CREBBP: variants seen among roughly 807,000 people sequenced by gnomAD.
The protein encoded by CREBBP is CREB-binding protein.
CREBBP carries 19 observed loss-of-function variants against 265.0 expected under a neutral mutation model. That is an observed-to-expected ratio of 0.07 (90% CI 0.05 to 0.11). The LOEUF (loss-of-function observed/expected upper bound fraction) is 0.11. CREBBP is among the 10% of genes least tolerant of loss of function. The pLI is 1.00. For synonymous variants in CREBBP, 1,457 were observed against 1,223.7 expected (o/e 1.19, Z -3.98); for missense variants, 2,525 against 3,219.0 (o/e 0.78, Z 5.22).
At chr16:3,757,479 T>C (rs1347259447) in intron 18 of CREBBP, 103 bp from the exon 19 acceptor site, 1 of 1,053,988 alleles carries the variant, frequency 9.5e-7, no homozygotes. Context: ...TTTCTGTTAG[T>C]ATATTAGACA....
intron 28 of CREBBP, 148 bp downstream of exon 28, chr16:3,735,888 G>A (rs575544586): frequency 1.3e-5 from 16 of 1,236,426 alleles, no homozygotes; most frequent in East Asian, 4.8e-5. Flanking sequence ...GCCCACCAAC[G>A]CCCTGTGCTG....
At position 3,769,247 on chromosome 16, in the gene CREBBP, T is replaced by G; in HGVS notation, c.2987A>C (p.Glu996Ala). The change falls in exon 15 of 31, where the codon GAA becomes GCA. Residue 996 changes from glutamate to alanine, a missense_variant. Glu to Ala is a moderately radical substitution (Grantham distance 107). Around this residue, in one of 19 missense-constraint regions of CREBBP, gnomAD observed 548 missense variants for 533.0 expected, o/e 1.03. Coordinates refer to ENST00000262367, the MANE Select transcript of CREBBP (RefSeq NM_004380.3). ...CTCTGCTTGGGTCTCCGTCTTCATT[T>G]CCAGCACAGGTACGTCAGGTCCTGG... ...QQPGPDVPVLEMKTETQAEDT... is the reference protein window; with the variant it reads ...QQPGPDVPVLAMKTETQAEDT... 6.2e-7 allele frequency: 1 copy of G among 1,614,168 alleles called. No homozygotes were observed. The highest frequency in any genetic ancestry group is 8.5e-7 in the Non-Finnish European group (1 of 1,180,028).
intron 5 of CREBBP, chr16:3,791,265 T>C (rs2053501149): frequency 6.6e-6 from 1 of 152,616 alleles, no homozygotes; most frequent in Non-Finnish European, 1.5e-5. Flanking sequence ...AGCCTACAAA[T>C]GGCAGGGAGC....
chr16:3,785,320 A>C (rs1029540783), intron 5 of CREBBP, among the ~76,000 whole-genome samples: 2 of 152,216 alleles, frequency 1.3e-5, no homozygotes, highest in African/African-American at 4.8e-5. Context: ...TGACAGACTC[A>C]GTGAGTACAC....
intron 2 of CREBBP, among the ~76,000 whole-genome samples, chr16:3,811,810 A>C (rs1567332197): frequency 6.6e-6 from 1 of 152,282 alleles, no homozygotes; most frequent in East Asian, 1.9e-4. Flanking sequence ...GGTTTTCCTA[A>C]TAACGTTTTC....
At chr16:3,777,207 C>T (rs916769836) in intron 11 of CREBBP, among the ~76,000 whole-genome samples, 8 of 139,198 alleles carry the variant, frequency 5.7e-5, no homozygotes, top group African/African-American at 1.6e-4. Context: ...TGGTGGTGGG[C>T]GCCTGTAGTC....
intron 21 of CREBBP, among the ~76,000 whole-genome samples, chr16:3,746,536 C>T (rs537858659): frequency 6.6e-6 from 1 of 152,250 alleles, no homozygotes; most frequent in South Asian, 2.1e-4. Flanking sequence ...GAGCTCATCC[C>T]CAACGCTAAG....
intron 1 of CREBBP, among the ~76,000 whole-genome samples, chr16:3,851,784 G>T (rs1400529627): frequency 1.4e-5 from 2 of 147,626 alleles, no homozygotes; most frequent in Admixed American, 1.4e-4. Context: ...AACCCGGGAA[G>T]CGGAGCTTGC....
intron 19 of CREBBP, among the ~76,000 whole-genome samples, chr16:3,754,994 T>C (rs1049263782): frequency 1.3e-5 from 2 of 152,234 alleles, no homozygotes; most frequent in South Asian, 4.1e-4. Flanking sequence ...CTCAGTCAGA[T>C]ACACTGTTCT....
chr16:3,842,097 A>C (rs1047652184), intron 2 of CREBBP, among the ~76,000 whole-genome samples: 5 of 152,186 alleles, frequency 3.3e-5, no homozygotes, highest in Non-Finnish European at 7.4e-5. Flanking sequence ...AATATTCCAA[A>C]AACTTTATTC....
At chr16:3,755,432 T>C (rs2052564494) in intron 19 of CREBBP, among the ~76,000 whole-genome samples, 1 of 152,232 alleles carries the variant, frequency 6.6e-6, no homozygotes, top group African/African-American at 2.4e-5. Flanking sequence ...GTGTAGTTAA[T>C]ATTAACCTTT....
chr16:3,836,651 C>A (rs1315578328), intron 2 of CREBBP, among the ~76,000 whole-genome samples: 1 of 151,914 alleles, frequency 6.6e-6, no homozygotes, highest in East Asian at 1.9e-4. Flanking sequence ...CAAAAATAAT[C>A]AAAGTAAAAT....
At position 3,834,761 on chromosome 16, in the gene CREBBP, TGGA is replaced by T. The variant is rs544134723; in HGVS notation, c.798+15533_798+15535del. Among the ~76,000 whole-genome samples the T allele has an allele frequency of 3.0e-4, 46 of 152,106 alleles. No individual in the cohort carries two copies. The South Asian group carries it at 5.2e-3, about 17-fold the overall frequency. ...GCGGAGTTGGGGAGGATGTTGAAAA[TGGA>T]GGAGACTATGAACTAGGAGAACAGG... On this transcript the variant is annotated intron_variant, in intron 2 of 30. Coordinates refer to ENST00000262367, the MANE Select transcript of CREBBP (RefSeq NM_004380.3).
chr16:3,790,881 A>T (rs911296519), intron 5 of CREBBP, among the ~76,000 whole-genome samples: 3 of 152,232 alleles, frequency 2.0e-5, no homozygotes, highest in Non-Finnish European at 4.4e-5. Flanking sequence ...CAGTACTCTT[A>T]GGAACAAAGC....
chr16:3,748,871 C>T lies in CREBBP; in HGVS notation c.3836+756G>A, dbSNP rs1451005070. On this transcript the variant is annotated intron_variant, in intron 21 of 30. Transcript: ENST00000262367. The stretch of plus-strand genomic sequence containing the variant: ...TAGAAAAGTGCTTAACAGGGCCGGG[C>T]GCGGTGGCTCACGCCTGGAATCCCA... 3.3e-5 allele frequency among the ~76,000 whole-genome samples: 5 copies of T among 152,278 alleles called. No individual in the cohort carries two copies. In the South Asian group the frequency reaches 6.2e-4, roughly 19 times the overall value.
At chr16:3,780,515 A>T (rs2053248908) in intron 8 of CREBBP, among the ~76,000 whole-genome samples, 1 of 152,144 alleles carries the variant, frequency 6.6e-6, no homozygotes, top group Non-Finnish European at 1.5e-5. Context: ...GGCAGTACAG[A>T]GCCACCAATG....
At chr16:3,788,970 A>G (rs2053448428) in intron 5 of CREBBP, among the ~76,000 whole-genome samples, 1 of 152,208 alleles carries the variant, frequency 6.6e-6, no homozygotes, top group South Asian at 2.1e-4. Flanking sequence ...CCAACCAACC[A>G]AACAAAACTC....
At chr16:3,782,969 T>A (rs747351447) in intron 5 of CREBBP, 43 bp from the exon 6 acceptor site, 1 of 1,613,424 alleles carries the variant, frequency 6.2e-7, no homozygotes, top group Non-Finnish European at 8.5e-7. Context: ...GAGAGGTAAG[T>A]AAAAGGGAGA....
chr16:3,793,998 C>T (rs974762418), intron 3 of CREBBP, among the ~76,000 whole-genome samples: 5 of 152,172 alleles, frequency 3.3e-5, no homozygotes, highest in Non-Finnish European at 7.3e-5. Context: ...TGGCCAAACA[C>T]TGGCAATTTC....
Sources: allele counts gnomAD v4.1 joint callset (sites outside exome capture counted in the v4.1 genomes callset), GRCh38; gene constraint gnomAD v4.1.1; regional missense constraint gnomAD v4.1.1; transcripts MANE v1.5; gene names NCBI Gene and HGNC (gene_info 2026-07-23, HGNC 2026-07-21).